Variants in STAC observed in about 807,000 individuals in gnomAD.
STAC encodes SH3 and cysteine rich domain, also known as SH3 and cysteine-rich domain-containing protein.
A neutral mutation model predicts 48.8 loss-of-function variants in STAC; 43 were observed. The ratio of observed to expected loss-of-function variants is 0.88; its 90% CI spans 0.69 to 1.14. STAC has a LOEUF of 1.14. Ranked by LOEUF, STAC falls within the 50% of genes most tolerant of loss-of-function variation. The pLI is 0.00. For synonymous variants in STAC, 193 were observed against 179.5 expected (o/e 1.07, Z -0.60); for missense variants, 497 against 504.0 (o/e 0.99, Z 0.13).
intron 2 of STAC, among the ~76,000 whole-genome samples, chr3:36,449,172 A>T (rs1472266321): frequency 6.6e-6 from 1 of 152,112 alleles, no homozygotes; most frequent in African/African-American, 2.4e-5. Context: ...AGGAGGGGAT[A>T]AACTATGTGC....
chr3:36,472,381 TC>T, intron 2 of STAC, among the ~76,000 whole-genome samples: 1 of 152,238 alleles, frequency 6.6e-6, no homozygotes, highest in African/African-American at 2.4e-5. Flanking sequence ...GGAGACATTT[TC>T]CCCATGGTCT....
intron 2 of STAC, among the ~76,000 whole-genome samples, chr3:36,461,120 T>A (rs772926977): frequency 2.0e-4 from 31 of 152,324 alleles, no homozygotes; most frequent in Non-Finnish European, 2.2e-4. Context: ...ATATTTTGAA[T>A]GAGAGTTTTC....
chr3:36,486,024 C>A, intron 4 of STAC, 110 bp from the exon 5 acceptor site: 1 of 781,202 alleles, frequency 1.3e-6, no homozygotes. Flanking sequence ...GGCTAAGTTC[C>A]TCTGCACAGA....
intron 2 of STAC, among the ~76,000 whole-genome samples, chr3:36,463,486 T>C (rs989194579): frequency 6.6e-6 from 1 of 150,912 alleles, no homozygotes; most frequent in African/African-American, 2.4e-5. Flanking sequence ...TTTTAATTTT[T>C]TTTAATTTTT....
intron 1 of STAC, among the ~76,000 whole-genome samples, chr3:36,427,296 G>A (rs561816916): frequency 2.6e-4 from 39 of 152,296 alleles, no homozygotes; most frequent in African/African-American, 8.7e-4. Context: ...ATCCCAATAT[G>A]CATCATATAT....
chr3:36,543,875 G>A (rs1393736005), intron 10 of STAC, among the ~76,000 whole-genome samples: 1 of 152,054 alleles, frequency 6.6e-6, no homozygotes, highest in Non-Finnish European at 1.5e-5. Flanking sequence ...ATTCTTGTGT[G>A]TATATGTCAA....
intron 1 of STAC, among the ~76,000 whole-genome samples, chr3:36,397,473 G>T (rs915414620): frequency 6.6e-6 from 1 of 152,074 alleles, no homozygotes; most frequent in African/African-American, 2.4e-5. Flanking sequence ...CTTCTATTCA[G>T]TTATATATAC....
intron 8 of STAC, among the ~76,000 whole-genome samples, chr3:36,512,669 T>C (rs1698571799): frequency 6.6e-6 from 1 of 152,324 alleles, no homozygotes; most frequent in South Asian, 2.1e-4. Context: ...TCAAGTTGTC[T>C]GGTCACGAAT....
chr3:36,529,426 A>G (rs191996921), intron 10 of STAC, among the ~76,000 whole-genome samples: 3 of 152,310 alleles, frequency 2.0e-5, no homozygotes, highest in Admixed American at 1.3e-4. Context: ...TATTCACTGA[A>G]GCCCATAACA....
intron 2 of STAC, among the ~76,000 whole-genome samples, chr3:36,454,462 C>A (rs189313429): frequency 6.6e-6 from 1 of 152,244 alleles, no homozygotes; most frequent in East Asian, 1.9e-4. Context: ...TCCGGACACG[C>A]CACCATTAAG....
intron 6 of STAC, among the ~76,000 whole-genome samples, chr3:36,493,755 A>G (rs2125707192): frequency 6.6e-6 from 1 of 152,332 alleles, no homozygotes; most frequent in Middle Eastern, 3.4e-3. Flanking sequence ...CAAACATTCT[A>G]TATTAAAATT....
intron 1 of STAC, among the ~76,000 whole-genome samples, chr3:36,404,902 T>C (rs1449949260): frequency 1.3e-5 from 2 of 152,114 alleles, no homozygotes; most frequent in Non-Finnish European, 2.9e-5. Flanking sequence ...TATACAGCTA[T>C]TATATATTCT....
chr3:36,472,687 C>T (rs371168066), intron 2 of STAC, among the ~76,000 whole-genome samples: 4 of 152,216 alleles, frequency 2.6e-5, no homozygotes, highest in East Asian at 1.9e-4. Context: ...TTTGCTAAAA[C>T]ATAACAAAAG....
intron 1 of STAC, among the ~76,000 whole-genome samples, chr3:36,395,041 A>G (rs1299199668): frequency 6.6e-6 from 1 of 151,566 alleles, no homozygotes; most frequent in Non-Finnish European, 1.5e-5. Flanking sequence ...ATATATATAT[A>G]TATCAAAATA....
chr3:36,528,939 T>A lies in STAC; in HGVS notation c.1064T>A (p.Phe355Tyr), dbSNP rs977503451. The change falls in exon 10 of 11, where the codon TTC (phenylalanine) becomes TAC (tyrosine). Residue 355 changes from phenylalanine (F) to tyrosine (Y), a missense_variant. By Grantham distance (22) the Phe-to-Tyr change is conservative. Coordinates refer to ENST00000273183, the MANE Select transcript of STAC (RefSeq NM_003149.3). ...NEKIFRCVRT[F>Y]IGCKEQGQIT... ...AAGATTTTTAGATGTGTTAGAACCTTCATTGGGTGTAAGGAACAGGGGCAG... is the reference window on the plus strand; with the variant it reads ...AAGATTTTTAGATGTGTTAGAACCTACATTGGGTGTAAGGAACAGGGGCAG... 1 of 1,613,496 alleles carries A rather than the reference T, an allele frequency of 6.2e-7. No individual in the cohort carries two copies. The highest frequency in any genetic ancestry group is 1.3e-5 in the African/African-American group (1 of 74,896).
intron 10 of STAC, among the ~76,000 whole-genome samples, chr3:36,535,266 C>T (rs1420780616): frequency 6.6e-6 from 1 of 152,120 alleles, no homozygotes; most frequent in Non-Finnish European, 1.5e-5. Flanking sequence ...CGATTTGGCT[C>T]TCTGCTTGTC....
intron 7 of STAC, among the ~76,000 whole-genome samples, chr3:36,505,003 C>T (rs914698761): frequency 6.6e-6 from 1 of 151,962 alleles, no homozygotes; most frequent in Admixed American, 6.6e-5. Context: ...ATAGCATTAA[C>T]ATTTATTTGG....
chr3:36,455,065 C>T (rs1042245549), intron 2 of STAC, among the ~76,000 whole-genome samples: 5 of 152,138 alleles, frequency 3.3e-5, no homozygotes, highest in Non-Finnish European at 7.4e-5. Context: ...AAATAATAGA[C>T]CAGAAAGGGG....
chr3:36,382,165 T>A (rs4678867), intron 1 of STAC, among the ~76,000 whole-genome samples: 29,203 of 152,176 alleles, frequency 0.19, 3,429 homozygotes, highest in Non-Finnish European at 0.24. Flanking sequence ...TTTCTGGGTA[T>A]CATTGCCTCC....
Sources: gnomAD v4.1 joint callset for allele counts (sites outside exome capture counted in the v4.1 genomes callset) on GRCh38, gnomAD v4.1.1 for gene constraint, MANE v1.5 for transcripts, NCBI Gene and HGNC (gene_info 2026-07-23, HGNC 2026-07-21) for gene names.